Variants in BCKDHA observed in about 807,000 individuals in gnomAD.
BCKDHA encodes branched chain keto acid dehydrogenase E1 subunit alpha, also known as 2-oxoisovalerate dehydrogenase subunit alpha, mitochondrial.
Under a neutral mutation model 52.2 loss-of-function variants are expected in BCKDHA, and 43 were observed. That is an observed-to-expected ratio of 0.82 (90% CI 0.64 to 1.06). The LOEUF (loss-of-function observed/expected upper bound fraction) is 1.06. Ranked by LOEUF, BCKDHA falls within the 50% of genes least tolerant of loss-of-function variation. The pLI is 0.00. For missense variants in BCKDHA, 527 were observed against 621.3 expected (o/e 0.85, Z 1.61); for synonymous variants, 234 against 247.9 (o/e 0.94, Z 0.53).
In BCKDHA at chr19:41,424,462, G is replaced by A. The variant is rs201168715; in HGVS notation, c.1192G>A (p.Glu398Lys). 161 of 1,614,116 alleles carry A rather than the reference G, an allele frequency of 1.0e-4. 1 individual carries two copies. The highest frequency in any genetic ancestry group is 3.8e-4 in the South Asian group (35 of 91,084). The change falls in exon 9 of 9, where the codon GAG (glutamate) becomes AAG (lysine). Residue 398 changes from glutamate (E) to lysine (K), a missense_variant. Transcript: ENST00000269980. ...GGTGATGGAGGCCTTTGAGCAGGCC[G>A]AGCGGAAGCCCAAACCCAACCCCAA... ...RKVMEAFEQA[E>K]RKPKPNPNLL...
chr19:41,414,834 C>T (rs1172901377), intron 4 of BCKDHA, among the ~76,000 whole-genome samples: 1 of 152,116 alleles, frequency 6.6e-6, no homozygotes, highest in Non-Finnish European at 1.5e-5. Flanking sequence ...AGAGTGTCAG[C>T]GAGCACTGAT....
Position 41,424,668 on chromosome 19 carries a change from G to C in BCKDHA, c.*60G>C, listed in dbSNP as rs1292855958. The stretch of plus-strand genomic sequence containing the variant: ...ACCCCGAGAGGTAGCCCCACTCTAA[G>C]GGGAGCAGGGGGACCTGACAGCACA... On this transcript the variant is annotated 3_prime_UTR_variant, in exon 9 of 9. Coordinates refer to ENST00000269980, the MANE Select transcript of BCKDHA (RefSeq NM_000709.4). 12 of 1,512,882 alleles carry C rather than the reference G, an allele frequency of 7.9e-6. No homozygotes were observed. The highest frequency in any genetic ancestry group is 4.2e-5 in the African/African-American group (3 of 71,928). The allele number at this position is 1,512,882 out of a possible 1,614,324, so 93.7% of individuals were successfully genotyped here.
rs376446100 is a variant in BCKDHA at position 41,423,034 on chromosome 19, G to A, written c.1032G>A (p.Ala344=). Residue 344 remains alanine (A), a synonymous_variant, in exon 8 of 9, where the codon GCG becomes GCA. Transcript: ENST00000269980. ...GHHSTSDDSS[A]YRSVDEVNYW... is the part of the protein sequence containing the mutation. Reference sequence around the variant, plus strand: ...ACAGCACCAGTGACGACAGTTCAGCGTACCGCTCGGTGGATGAGGTCAATT... The same window carrying A: ...ACAGCACCAGTGACGACAGTTCAGCATACCGCTCGGTGGATGAGGTCAATT... The A allele has an allele frequency of 1.2e-5, 19 of 1,607,272 alleles. No individual in the cohort carries two copies. The highest frequency in any genetic ancestry group is 8.0e-5 in the African/African-American group (6 of 74,768).
chr19:41,413,464 C>G (rs929341412), intron 3 of BCKDHA, among the ~76,000 whole-genome samples: 1 of 152,174 alleles, frequency 6.6e-6, no homozygotes. Context: ...TCTCCCGCCT[C>G]CCTCTGCTAC....
rs1348214470 is a variant in BCKDHA, at chr19:41,417,355, CCTT to C, written c.485-1777_485-1775del. The stretch of plus-strand genomic sequence containing the variant: ...GCACGTTCCCCTGCCCCTGCCCAGT[CCTT>C]CTCACATGGGTGGACCTAGTACCAC... On this transcript the variant is annotated intron_variant, in intron 4 of 8. Coordinates refer to ENST00000269980, the MANE Select transcript of BCKDHA (RefSeq NM_000709.4). 6.6e-5 allele frequency among the ~76,000 whole-genome samples: 10 copies of C among 152,268 alleles called. No individual in the cohort carries two copies. The East Asian group carries it at 1.7e-3, about 26-fold the overall frequency.
intron 4 of BCKDHA, among the ~76,000 whole-genome samples, chr19:41,414,549 G>C (rs11670668): frequency 0.66 from 99,801 of 152,026 alleles, 33,826 homozygotes; most frequent in African/African-American, 0.82. Flanking sequence ...GACCCTGTCT[G>C]CCTGGTGCAG....
chr19:41,407,359 A>C (rs1017456710), intron 1 of BCKDHA, among the ~76,000 whole-genome samples: 4 of 152,194 alleles, frequency 2.6e-5, no homozygotes, highest in Middle Eastern at 3.2e-3. Flanking sequence ...CAGGGAACTT[A>C]ACAGCCCATT....
chr19:41,401,702 A>G (rs2039140783), intron 1 of BCKDHA, among the ~76,000 whole-genome samples: 1 of 152,036 alleles, frequency 6.6e-6, no homozygotes, highest in East Asian at 1.9e-4. Context: ...CTCAGCCACT[A>G]CCCCAGGCCT....
At chr19:41,409,284 C>A (rs903443836) in intron 1 of BCKDHA, among the ~76,000 whole-genome samples, 1 of 152,070 alleles carries the variant, frequency 6.6e-6, no homozygotes, top group Non-Finnish European at 1.5e-5. Context: ...CCTGGTTATC[C>A]CTCAGGTTTC....
In BCKDHA at chr19:41,410,638, A is replaced by AT; in HGVS notation, c.110_111insT (p.Arg40GlnfsTer11). On this transcript the variant is annotated frameshift_variant and splice_region_variant, in exon 2 of 9. Coordinates refer to ENST00000269980, the MANE Select transcript of BCKDHA (RefSeq NM_000709.4). LOFTEE classifies it high-confidence loss of function. ...GGTCTCCTCTGCTCTCTTCCCCAGC[A>AT]CCCCCCCAGGCAGCAGCAGCAGTTT... The AT allele has an allele frequency of 6.2e-7, 1 of 1,613,448 alleles. No homozygotes were observed. The highest frequency in any genetic ancestry group is 8.5e-7 in the Non-Finnish European group (1 of 1,179,916).
intron 5 of BCKDHA, among the ~76,000 whole-genome samples, chr19:41,419,746 CTTTTTTTTT>C (rs201343587): frequency 7.8e-6 from 1 of 127,848 alleles, no homozygotes; most frequent in Admixed American, 8.9e-5. Flanking sequence ...GCCCAGCCCA[CTTTTTTTTT>C]TTTTTTTTTT....
intron 3 of BCKDHA, among the ~76,000 whole-genome samples, chr19:41,411,910 A>G (rs984825946): frequency 1.3e-5 from 2 of 152,150 alleles, no homozygotes; most frequent in African/African-American, 2.4e-5. Flanking sequence ...TTAACTTTTA[A>G]TTGGCTCCCC....
At chr19:41,409,850 G>C (rs1456428609) in intron 1 of BCKDHA, among the ~76,000 whole-genome samples, 1 of 141,234 alleles carries the variant, frequency 7.1e-6, no homozygotes, top group Non-Finnish European at 1.5e-5. Flanking sequence ...CACCAGGCTA[G>C]AGTGCTATGG....
At chr19:41,417,423 C>T (rs1232615285) in intron 4 of BCKDHA, among the ~76,000 whole-genome samples, 3 of 152,178 alleles carry the variant, frequency 2.0e-5, no homozygotes, top group Admixed American at 6.5e-5. Flanking sequence ...GTATCAGTCC[C>T]TTGGACCTTC....
In BCKDHA at chr19:41,414,040, C is replaced by A. The variant is rs555417586; in HGVS notation, c.376-9C>A. ...AATTGTGGGACCCCGGTCCCCTCTA[C>A]ACCCCCAGGGCCGGATCTCCTTCTA... is the stretch of plus-strand genomic sequence containing the variant. On this transcript the variant is annotated splice_polypyrimidine_tract_variant and intron_variant, in intron 3 of 8. Coordinates refer to ENST00000269980, the MANE Select transcript of BCKDHA (RefSeq NM_000709.4). 29 of 1,612,212 alleles carry A rather than the reference C, an allele frequency of 1.8e-5. No homozygotes were observed. Among genetic ancestry groups the A allele is most frequent in the Non-Finnish European group, 2.4e-5 (28 of 1,178,912 alleles).
At chr19:41,398,538 GTTGAA>G (rs1190228212) in intron 1 of BCKDHA, among the ~76,000 whole-genome samples, 2 of 152,202 alleles carry the variant, frequency 1.3e-5, no homozygotes, top group Non-Finnish European at 2.9e-5. Flanking sequence ...ATTAATATTT[GTTGAA>G]TTAATGAGGG....
intron 3 of BCKDHA, among the ~76,000 whole-genome samples, chr19:41,412,357 A>C (rs1016113791): frequency 5.0e-5 from 5 of 99,434 alleles, no homozygotes; most frequent in South Asian, 3.4e-4. Flanking sequence ...CTCCCCTCTC[A>C]TTCCCTCTGT....
chr19:41,397,924 C>T lies in BCKDHA; in HGVS notation c.97C>T (p.Leu33=). The T allele has an allele frequency of 6.2e-7, 1 of 1,613,896 alleles. No individual in the cohort carries two copies. The highest frequency in any genetic ancestry group is 8.5e-7 in the Non-Finnish European group (1 of 1,179,928). Reference sequence around the variant, plus strand: ...GCTGCGGCAGCCTGGGGCTCGGGGACTGGCTAGATCTGTGAGTACCTGGGC... The same window carrying T: ...GCTGCGGCAGCCTGGGGCTCGGGGATTGGCTAGATCTGTGAGTACCTGGGC... ...LLLRQPGARG[L]ARSHPPRQQQ... Residue 33 remains leucine, a synonymous_variant, in exon 1 of 9, where the codon CTG becomes TTG. Transcript: ENST00000269980.
chr19:41,413,451 TC>T (rs1302283142), intron 3 of BCKDHA, among the ~76,000 whole-genome samples: 1 of 151,994 alleles, frequency 6.6e-6, no homozygotes, highest in Non-Finnish European at 1.5e-5. Context: ...ATCCACCTGC[TC>T]CTCTCCCGCC....
Sources: allele counts gnomAD v4.1 joint callset (sites outside exome capture counted in the v4.1 genomes callset), GRCh38; gene constraint gnomAD v4.1.1; transcripts MANE v1.5; gene names NCBI Gene and HGNC (gene_info 2026-07-23, HGNC 2026-07-21).